Variants in GALNT13 observed in about 807,000 individuals in gnomAD.
The protein encoded by GALNT13 is UDP-GalNAc:polypeptide N-acetylgalactosaminyltransferase 13.
In GALNT13, 28 loss-of-function variants were observed where a neutral mutation model predicts 64.2. The ratio of observed to expected loss-of-function variants is 0.44; its 90% confidence interval spans 0.32 to 0.60. GALNT13 has a LOEUF of 0.60. GALNT13 is among the 20% of genes least tolerant of loss of function. The pLI, the probability that GALNT13 is intolerant of heterozygous loss-of-function variation, is 0.05. For synonymous variants in GALNT13, 214 were observed against 224.6 expected (o/e 0.95, Z 0.42); for missense variants, 577 against 669.8 (o/e 0.86, Z 1.53).
intron 11 of GALNT13, among the ~76,000 whole-genome samples, chr2:154,424,390 G>A (rs1405258468): frequency 1.3e-5 from 2 of 152,100 alleles, no homozygotes; most frequent in South Asian, 2.1e-4. Flanking sequence ...GAATAATACT[G>A]TATGTGCTAT....
At chr2:154,174,346 CTACA>C (rs1243699003) in intron 4 of GALNT13, among the ~76,000 whole-genome samples, 1 of 151,988 alleles carries the variant, frequency 6.6e-6, no homozygotes, top group Admixed American at 6.6e-5. Flanking sequence ...CTCTAGGGCA[CTACA>C]TCTATGAAAC....
the GALNT13 span, among the ~76,000 whole-genome samples, chr2:153,647,044 C>T: frequency 3.3e-5 from 5 of 152,176 alleles, no homozygotes; most frequent in African/African-American, 7.2e-5. Flanking sequence ...GCCACACTGA[C>T]TTCCACAAAG....
chr2:153,813,930 T>C, the GALNT13 span, among the ~76,000 whole-genome samples: 1 of 152,212 alleles, frequency 6.6e-6, no homozygotes, highest in African/African-American at 2.4e-5. Flanking sequence ...AAGATGGCTT[T>C]ATACCTGGCA....
At chr2:153,511,239 T>C in the GALNT13 span, among the ~76,000 whole-genome samples, 2 of 151,698 alleles carry the variant, frequency 1.3e-5, no homozygotes, top group Admixed American at 1.3e-4. Flanking sequence ...AAGAAGAAAT[T>C]TCTAGATGTC....
chr2:154,353,682 C>G (rs184432953), intron 9 of GALNT13, among the ~76,000 whole-genome samples: 1 of 152,236 alleles, frequency 6.6e-6, no homozygotes, highest in East Asian at 1.9e-4. Context: ...CTTTCAGTGT[C>G]TGGCTTATTT....
chr2:153,630,808 T>TATATA, the GALNT13 span, among the ~76,000 whole-genome samples: 7 of 16,982 alleles, frequency 4.1e-4, no homozygotes, highest in African/African-American at 4.9e-4. Flanking sequence ...TATATATATA[T>TATATA]TTTTTTTTTT....
intron 1 of GALNT13, among the ~76,000 whole-genome samples, chr2:153,872,805 G>A (rs1393387223): frequency 6.6e-6 from 1 of 152,104 alleles, no homozygotes; most frequent in Non-Finnish European, 1.5e-5. Flanking sequence ...CTTCCTCGAC[G>A]GTTGCCTTCG....
chr2:153,810,608 T>C, the GALNT13 span, among the ~76,000 whole-genome samples: 2 of 152,086 alleles, frequency 1.3e-5, no homozygotes, highest in Admixed American at 6.5e-5. Context: ...AATTGAAGAA[T>C]AAAGAGATAA....
At chr2:154,068,424 G>T (rs1700577841) in intron 3 of GALNT13, among the ~76,000 whole-genome samples, 1 of 151,870 alleles carries the variant, frequency 6.6e-6, no homozygotes. Context: ...CATGTTTATT[G>T]CAACACTATT....
the GALNT13 span, among the ~76,000 whole-genome samples, chr2:153,496,024 C>T: frequency 1.3e-5 from 2 of 152,114 alleles, no homozygotes; most frequent in Admixed American, 6.5e-5. Flanking sequence ...ATAGCCCTGC[C>T]GATGGTGTCC....
intron 8 of GALNT13, among the ~76,000 whole-genome samples, chr2:154,279,096 G>C (rs554431902): frequency 6.6e-6 from 1 of 152,230 alleles, no homozygotes; most frequent in East Asian, 1.9e-4. Flanking sequence ...AAGAATATCT[G>C]TGTGACACTT....
the GALNT13 span, among the ~76,000 whole-genome samples, chr2:153,134,483 A>ATCCC: frequency 2.0e-5 from 3 of 152,152 alleles, no homozygotes; most frequent in Non-Finnish European, 4.4e-5. Flanking sequence ...GGGGCTGTTT[A>ATCCC]TCCGTCTGCT....
Position 154,340,021 on chromosome 2 carries a change from G to T in GALNT13, c.1156+38432G>T, listed in dbSNP as rs541504104. 4.6e-5 allele frequency among the ~76,000 whole-genome samples: 7 copies of T among 152,186 alleles called. No individual in the cohort carries two copies. The South Asian group carries it at 1.4e-3, about 31-fold the overall frequency. On this transcript the variant is annotated intron_variant, in intron 9 of 12. Coordinates refer to ENST00000392825, the MANE Select transcript of GALNT13 (RefSeq NM_052917.4). The stretch of plus-strand genomic sequence containing the variant: ...ATTACACAAACTGATTTTTAAAAAT[G>T]TCTATTCTAATTCTGTCTTCAAAAT...
chr2:153,564,359 A>G, the GALNT13 span, among the ~76,000 whole-genome samples: 1 of 152,148 alleles, frequency 6.6e-6, no homozygotes, highest in Non-Finnish European at 1.5e-5. Context: ...AATTATAGTT[A>G]TTTTGGCTTT....
chr2:153,285,101 T>C, the GALNT13 span, among the ~76,000 whole-genome samples: 2 of 151,350 alleles, frequency 1.3e-5, no homozygotes, highest in South Asian at 2.1e-4. Flanking sequence ...CTTAGGAAAC[T>C]TATAATTACG....
At chr2:154,081,417 T>G (rs10490534) in intron 3 of GALNT13, among the ~76,000 whole-genome samples, 38,897 of 151,366 alleles carry the variant, frequency 0.26, 6,971 homozygotes, top group East Asian at 0.82. Context: ...CCTTGTGTCC[T>G]CTTAACAAAC....
intron 3 of GALNT13, among the ~76,000 whole-genome samples, chr2:153,953,260 A>G (rs1692326927): frequency 6.6e-6 from 1 of 152,198 alleles, no homozygotes; most frequent in African/African-American, 2.4e-5. Context: ...TTACTTGAAA[A>G]AAGGGAAATA....
At chr2:154,275,535 A>G (rs1262294743) in intron 8 of GALNT13, among the ~76,000 whole-genome samples, 1 of 152,160 alleles carries the variant, frequency 6.6e-6, no homozygotes, top group Non-Finnish European at 1.5e-5. Context: ...CACAGAAGTC[A>G]AGAATTGAGG....
At chr2:154,437,275 C>G (rs967033209) in intron 11 of GALNT13, 1 of 175,810 alleles carries the variant, frequency 5.7e-6, no homozygotes, top group Non-Finnish European at 1.2e-5. Context: ...TTGCCGCTTC[C>G]TCTCACCACT....
Sources: gnomAD v4.1 joint callset for allele counts (sites outside exome capture counted in the v4.1 genomes callset) on GRCh38, gnomAD v4.1.1 for gene constraint, MANE v1.5 for transcripts, NCBI Gene and HGNC (gene_info 2026-07-23, HGNC 2026-07-21) for gene names.